The following CACNA2D3 variants were observed in gnomAD, a reference collection of about 807,000 sequenced individuals.
CACNA2D3 encodes calcium voltage-gated channel auxiliary subunit alpha2delta 3.
CACNA2D3 carries 60 observed loss-of-function variants against 160.6 expected under a neutral mutation model. The observed-to-expected ratio is 0.37, with a 90% confidence interval of 0.30 to 0.46. CACNA2D3 has a LOEUF of 0.46. CACNA2D3 is among the 20% of genes least tolerant of loss of function. CACNA2D3 has a pLI of 1.00. For missense variants in CACNA2D3, 1,205 were observed against 1,365.0 expected (o/e 0.88, Z 1.85); for synonymous variants, 558 against 492.9 (o/e 1.13, Z -1.75).
chr3:54,132,173 A>G (rs570737507), intron 2 of CACNA2D3, among the ~76,000 whole-genome samples: 1 of 152,356 alleles, frequency 6.6e-6, no homozygotes, highest in East Asian at 1.9e-4. Context: ...CTGACATAAT[A>G]ATAGTCATTT....
At chr3:54,735,821 T>C (rs569157430) in intron 11 of CACNA2D3, among the ~76,000 whole-genome samples, 2 of 151,316 alleles carry the variant, frequency 1.3e-5, no homozygotes, top group African/African-American at 4.9e-5. Flanking sequence ...AAAATACTTT[T>C]CTTATAGAAA....
At chr3:54,391,480 T>C (rs1270029221) in intron 4 of CACNA2D3, among the ~76,000 whole-genome samples, 1 of 151,862 alleles carries the variant, frequency 6.6e-6, no homozygotes, top group African/African-American at 2.4e-5. Flanking sequence ...TTGGCCTTCA[T>C]TGGCGGGGTG....
chr3:54,194,034 G>A (rs1049327316), intron 2 of CACNA2D3, among the ~76,000 whole-genome samples: 6 of 152,120 alleles, frequency 3.9e-5, no homozygotes, highest in Admixed American at 1.3e-4. Flanking sequence ...TGACCTCGTG[G>A]AGATAGAGAG....
intron 2 of CACNA2D3, among the ~76,000 whole-genome samples, chr3:54,138,745 A>G (rs114181928): frequency 0.014 from 2,128 of 152,306 alleles, 42 homozygotes; most frequent in African/African-American, 0.045. Context: ...TTGGGGAAGT[A>G]GAGCCCAAGA....
At chr3:54,920,948 T>C (rs1700830411) in intron 27 of CACNA2D3, among the ~76,000 whole-genome samples, 1 of 152,184 alleles carries the variant, frequency 6.6e-6, no homozygotes. Flanking sequence ...GACTGGAGCC[T>C]GGGACATAGC....
chr3:54,546,600 A>C lies in CACNA2D3; in HGVS notation c.545-16200A>C, dbSNP rs548366676. Among the ~76,000 whole-genome samples the C allele has an allele frequency of 9.4e-4, 143 of 152,322 alleles. 1 individual carries two copies. The highest frequency in any genetic ancestry group is 6.8e-3 in the Middle Eastern group (2 of 294). ...ATGTGAAGGCTGGCTAATTATTAAA[A>C]GAAGGTGTTTAATGTTTTTTGAAAA... On this transcript the variant is annotated intron_variant, in intron 5 of 37. Transcript: ENST00000474759.
intron 5 of CACNA2D3, among the ~76,000 whole-genome samples, chr3:54,558,332 T>C (rs1161272614): frequency 6.6e-6 from 1 of 152,174 alleles, no homozygotes; most frequent in Non-Finnish European, 1.5e-5. Context: ...GCCCCATCAA[T>C]GGCAGTGTGA....
intron 27 of CACNA2D3, among the ~76,000 whole-genome samples, chr3:54,964,149 C>A (rs1326482063): frequency 1.3e-5 from 2 of 152,038 alleles, no homozygotes; most frequent in Non-Finnish European, 2.9e-5. Flanking sequence ...CTAGGAGGCT[C>A]ACCCCATATT....
At chr3:54,999,949 G>C (rs946988496) in intron 31 of CACNA2D3, among the ~76,000 whole-genome samples, 1 of 152,166 alleles carries the variant, frequency 6.6e-6, no homozygotes, top group Admixed American at 6.6e-5. Context: ...TTCAGAGGCC[G>C]TATCTGCCTT....
At chr3:54,494,779 C>A (rs1701177039) in intron 4 of CACNA2D3, among the ~76,000 whole-genome samples, 1 of 152,080 alleles carries the variant, frequency 6.6e-6, no homozygotes, top group South Asian at 2.1e-4. Context: ...AGGAAACTTA[C>A]AATCATGGCA....
At chr3:54,473,420 C>T (rs913194616) in intron 4 of CACNA2D3, among the ~76,000 whole-genome samples, 3 of 152,040 alleles carry the variant, frequency 2.0e-5, no homozygotes, top group African/African-American at 7.2e-5. Context: ...AACCTAAAAC[C>T]ATAAAAACCC....
intron 2 of CACNA2D3, among the ~76,000 whole-genome samples, chr3:54,312,882 G>C (rs1473686599): frequency 6.6e-6 from 1 of 152,258 alleles, no homozygotes; most frequent in East Asian, 1.9e-4. Context: ...TGCCTTGCTG[G>C]GGCATCTCTG....
intron 12 of CACNA2D3, among the ~76,000 whole-genome samples, chr3:54,755,026 T>C (rs1255071394): frequency 6.6e-6 from 1 of 152,210 alleles, no homozygotes; most frequent in Non-Finnish European, 1.5e-5. Context: ...TCCTTGTAGA[T>C]AGACCTTCCG....
chr3:55,040,464 G>A (rs1195926664), intron 35 of CACNA2D3, among the ~76,000 whole-genome samples: 1 of 152,090 alleles, frequency 6.6e-6, no homozygotes, highest in African/African-American at 2.4e-5. Flanking sequence ...AGAATTCTTT[G>A]TAGTTTTTTT....
chr3:54,692,388 A>T (rs1208649674), intron 11 of CACNA2D3, among the ~76,000 whole-genome samples: 1 of 152,224 alleles, frequency 6.6e-6, no homozygotes, highest in Non-Finnish European at 1.5e-5. Flanking sequence ...GCAGAATGCC[A>T]GCCCACATCC....
chr3:54,932,290 A>G (rs544948606), intron 27 of CACNA2D3, among the ~76,000 whole-genome samples: 1 of 152,328 alleles, frequency 6.6e-6, no homozygotes, highest in Non-Finnish European at 1.5e-5. Context: ...TAGGAAGCAT[A>G]TTGTATAATC....
chr3:54,180,880 C>T (rs1287081101), intron 2 of CACNA2D3, among the ~76,000 whole-genome samples: 1 of 152,194 alleles, frequency 6.6e-6, no homozygotes, highest in Non-Finnish European at 1.5e-5. Flanking sequence ...GTGTCTTGCT[C>T]TCTATATCCA....
intron 11 of CACNA2D3, among the ~76,000 whole-genome samples, chr3:54,743,657 G>A (rs1007083288): frequency 6.6e-6 from 1 of 152,156 alleles, no homozygotes; most frequent in Non-Finnish European, 1.5e-5. Flanking sequence ...TAATTTGATG[G>A]CCTTACACAT....
intron 23 of CACNA2D3, 51 bp downstream of exon 23, chr3:54,885,637 A>G (rs908345235): frequency 2.1e-6 from 3 of 1,417,006 alleles, no homozygotes; most frequent in Non-Finnish European, 3.0e-6. Context: ...ATGGTGGGGA[A>G]TGAACTCAAA....
Sources: gnomAD v4.1 joint callset for allele counts (sites outside exome capture counted in the v4.1 genomes callset) on GRCh38, gnomAD v4.1.1 for gene constraint, MANE v1.5 for transcripts, NCBI Gene and HGNC (gene_info 2026-07-23, HGNC 2026-07-21) for gene names.